STRBP: variants seen among roughly 807,000 people sequenced by gnomAD.
The protein encoded by STRBP is spermatid perinuclear RNA-binding protein.
STRBP carries 13 observed loss-of-function variants against 80.1 expected under a neutral mutation model. That is an observed-to-expected ratio of 0.16 (90% CI 0.11 to 0.26). STRBP has a LOEUF of 0.26. STRBP is among the 10% of genes least tolerant of loss of function. The pLI is 1.00. For missense variants in STRBP, 485 were observed against 815.2 expected, an observed-to-expected ratio of 0.59 and a Z score of 4.93; for synonymous variants, 284 against 291.2, an observed-to-expected ratio of 0.98 and a Z score of 0.25.
rs1375098137 is a variant in STRBP, at chr9:123,110,585, G to C, written c.*85-832C>G. 1 of 169,586 alleles carries C rather than the reference G, an allele frequency of 5.9e-6. No homozygotes were observed. The highest frequency in any genetic ancestry group is 2.4e-5 in the African/African-American group (1 of 41,492). 10.5% of individuals were successfully genotyped at this position (169,586 alleles called of 1,614,324 possible). On this transcript the variant is annotated intron_variant and NMD_transcript_variant, in intron 3 of 3. Transcript: ENST00000471564. This position sits in a 1 kb window ranked among gnomAD's most constrained non-coding sequence, Gnocchi z 4.1. Reference sequence around the variant, plus strand: ...AGGAGCTAAAAAGTATATGGTGTCTGCCCAAGGAAAGGACAACAGTAGGGA... The same window carrying C: ...AGGAGCTAAAAAGTATATGGTGTCTCCCCAAGGAAAGGACAACAGTAGGGA...
At chr9:123,215,145 C>A (rs1362449178) in intron 2 of STRBP, among the ~76,000 whole-genome samples, 2 of 152,048 alleles carry the variant, frequency 1.3e-5, no homozygotes, top group Admixed American at 6.6e-5. Context: ...TAGCTCACTG[C>A]GACCTCGAAC....
In STRBP at chr9:123,115,093, G is replaced by A; in HGVS notation, c.*84+836C>T. The A allele has an allele frequency of 4.8e-6, 2 of 417,418 alleles. No individual in the cohort carries two copies. Among genetic ancestry groups the A allele is most frequent in the Non-Finnish European group, 1.0e-5 (2 of 198,822 alleles). 25.9% of individuals were successfully genotyped at this position (417,418 alleles called of 1,614,324 possible). ...TCATCATTGAAGGACACACCACCCAGGGCCTTTTAAGAAGTGACTGCAGAC... is the reference window on the plus strand; with the variant it reads ...TCATCATTGAAGGACACACCACCCAAGGCCTTTTAAGAAGTGACTGCAGAC... On this transcript the variant is annotated intron_variant and NMD_transcript_variant, in intron 3 of 3. Coordinates refer to the STRBP transcript ENST00000471564. The surrounding 1 kb of genome is among the most constrained non-coding windows in gnomAD (Gnocchi z 5.0).
intron 2 of STRBP, among the ~76,000 whole-genome samples, chr9:123,232,849 T>C (rs565523416): frequency 2.0e-5 from 3 of 152,210 alleles, no homozygotes; most frequent in East Asian, 1.9e-4. Context: ...AGACCGATTA[T>C]CTGTAGAAGA....
intron 2 of STRBP, among the ~76,000 whole-genome samples, chr9:123,189,532 T>C (rs575689472): frequency 2.0e-5 from 3 of 150,256 alleles, no homozygotes; most frequent in Non-Finnish European, 4.4e-5. Flanking sequence ...AAAGGATAAG[T>C]TCATGTCCTT....
intron 17 of STRBP, among the ~76,000 whole-genome samples, chr9:123,131,476 A>G (rs1235062490): frequency 6.6e-6 from 1 of 152,142 alleles, no homozygotes; most frequent in Admixed American, 6.5e-5. Flanking sequence ...ACAGCAACAC[A>G]AGGTCTCTGC....
At chr9:123,172,754 T>G (rs565950731) in intron 5 of STRBP, among the ~76,000 whole-genome samples, 1 of 151,834 alleles carries the variant, frequency 6.6e-6, no homozygotes, top group Non-Finnish European at 1.5e-5. Flanking sequence ...AATGATCTAG[T>G]AACAAAGCTA....
At chr9:123,139,363 G>GA (rs1335596977) in intron 14 of STRBP, among the ~76,000 whole-genome samples, 166 bp downstream of exon 14, 3 of 152,074 alleles carry the variant, frequency 2.0e-5, no homozygotes, top group Non-Finnish European at 4.4e-5. Context: ...AGAGATTCAT[G>GA]AAAAAAACTG....
chr9:123,180,571 G>T (rs1008062813), intron 3 of STRBP, among the ~76,000 whole-genome samples: 1 of 151,900 alleles, frequency 6.6e-6, no homozygotes, highest in Non-Finnish European at 1.5e-5. Flanking sequence ...ACATAAATAA[G>T]GGTATCAAGA....
intron 2 of STRBP, among the ~76,000 whole-genome samples, chr9:123,215,323 C>T (rs2039860294): frequency 6.6e-6 from 1 of 152,086 alleles, no homozygotes; most frequent in African/African-American, 2.4e-5. Flanking sequence ...TCCCAAAGCT[C>T]TGGGATTATA....
chr9:123,162,254 G>A (rs868322652), intron 6 of STRBP, among the ~76,000 whole-genome samples: 13 of 149,380 alleles, frequency 8.7e-5, no homozygotes, highest in African/African-American at 2.5e-4. Flanking sequence ...AGACAGGTTC[G>A]TCCTTTGTCA....
intron 2 of STRBP, among the ~76,000 whole-genome samples, chr9:123,221,999 T>C (rs1404767494): frequency 2.6e-5 from 4 of 152,162 alleles, no homozygotes; most frequent in African/African-American, 9.7e-5. Context: ...CTGAACCAGA[T>C]TATTATGTGG....
intron 3 of STRBP, 140 bp downstream of exon 3, chr9:123,183,992 T>C: frequency 1.5e-6 from 1 of 665,734 alleles, no homozygotes; most frequent in Admixed American, 2.8e-5. Flanking sequence ...CTTTGAATAG[T>C]AGAGTGCCAT....
chr9:123,123,362 G>C lies in STRBP; in HGVS notation c.*2235C>G, dbSNP rs1225987382. On this transcript the variant is annotated 3_prime_UTR_variant, in exon 19 of 19. Transcript: ENST00000348403. ...TGGAAGGGTGGGAAGGGCAACAGGT[G>C]GGGGGACACTTAATTCATTACAGAA... The C allele has an allele frequency of 1.0e-5, 10 of 985,244 alleles. No homozygotes were observed. The highest frequency in any genetic ancestry group is 1.2e-5 in the Non-Finnish European group (10 of 829,914). 61.0% of individuals were successfully genotyped at this position (985,244 alleles called of 1,614,324 possible). A position where few individuals can be genotyped will look rare whatever the true frequency, so the allele number is the denominator to read the frequency against.
At chr9:123,259,320 G>A (rs1195967844) in intron 1 of STRBP, among the ~76,000 whole-genome samples, 2 of 152,180 alleles carry the variant, frequency 1.3e-5, no homozygotes, top group Non-Finnish European at 2.9e-5. Flanking sequence ...AGAGGAGACA[G>A]GGTAAGTTCA....
At chr9:123,253,627 G>A (rs1475001787) in intron 1 of STRBP, among the ~76,000 whole-genome samples, 1 of 152,236 alleles carries the variant, frequency 6.6e-6, no homozygotes, top group Non-Finnish European at 1.5e-5. Context: ...TAACCACTTT[G>A]AAAGGCTAGT....
chr9:123,244,226 C>A (rs1009612610), intron 1 of STRBP, among the ~76,000 whole-genome samples: 1 of 152,156 alleles, frequency 6.6e-6, no homozygotes, highest in Admixed American at 6.5e-5. Flanking sequence ...ATACTATATG[C>A]TTTCAACTAT....
intron 2 of STRBP, among the ~76,000 whole-genome samples, chr9:123,203,828 C>T (rs936561931): frequency 7.2e-5 from 11 of 151,956 alleles, no homozygotes; most frequent in South Asian, 2.1e-4. Flanking sequence ...AAAAATTAGC[C>T]GGGCATGGTG....
In STRBP at chr9:123,268,457, G is replaced by A; in HGVS notation, c.-323C>T. ...CTACCCGCGCCGCCGCGCTCTGCCC[G>A]CGCCCGGTACCCGCTCCCGCTCCGC... On this transcript the variant is annotated 5_prime_UTR_variant, in exon 1 of 19. Coordinates refer to ENST00000348403, the MANE Select transcript of STRBP (RefSeq NM_018387.5). 2 of 158,058 alleles carry A rather than the reference G, an allele frequency of 1.3e-5. 1 individual carries two copies. The highest frequency in any genetic ancestry group is 3.5e-4 in the South Asian group (2 of 5,688). The allele number at this position is 158,058 out of a possible 1,614,324, so 9.8% of individuals were successfully genotyped here.
intron 3 of STRBP, among the ~76,000 whole-genome samples, chr9:123,181,253 T>C (rs1388198211): frequency 6.6e-6 from 1 of 152,190 alleles, no homozygotes; most frequent in Non-Finnish European, 1.5e-5. Flanking sequence ...GTGAGACATA[T>C]TCATCTATCC....
Sources: allele counts gnomAD v4.1 joint callset (sites outside exome capture counted in the v4.1 genomes callset), GRCh38; gene constraint gnomAD v4.1.1; non-coding constraint Gnocchi (gnomAD v3.1); transcripts MANE v1.5; gene names NCBI Gene and HGNC (gene_info 2026-07-23, HGNC 2026-07-21).